IGDCC3: variants seen among roughly 807,000 people sequenced by gnomAD.
The protein encoded by IGDCC3 is immunoglobulin superfamily DCC subclass member 3, also known as putative neuronal cell adhesion molecule.
A neutral mutation model predicts 72.0 loss-of-function variants in IGDCC3; 47 were observed. That is an observed-to-expected ratio of 0.65 (90% CI 0.52 to 0.83). IGDCC3 has a LOEUF of 0.83. Among genes scored for constraint, IGDCC3 ranks in the 40% least tolerant of loss-of-function variants. The pLI, the probability that IGDCC3 is intolerant of heterozygous loss-of-function variation, is 0.00. For synonymous variants in IGDCC3, 477 were observed against 472.8 expected, an observed-to-expected ratio of 1.01 and a Z score of -0.11; for missense variants, 1,038 against 1,091.3, an observed-to-expected ratio of 0.95 and a Z score of 0.69.
intron 2 of IGDCC3, among the ~76,000 whole-genome samples, chr15:65,341,876 C>T (rs542019025): frequency 2.6e-5 from 4 of 152,222 alleles, no homozygotes; most frequent in East Asian, 3.9e-4. Flanking sequence ...CAGGTTCAAG[C>T]GATTCTCATG....
rs1409627540 is a variant in IGDCC3 at position 65,334,993 on chromosome 15, G to T, written c.686-128C>A. 3.6e-6 allele frequency: 4 copies of T among 1,104,770 alleles called. No individual in the cohort carries two copies. The African/African-American group carries it at 4.8e-5, about 13-fold the overall frequency. The allele number at this position is 1,104,770 out of a possible 1,614,324, so 68.4% of individuals were successfully genotyped here. On this transcript the variant is annotated intron_variant, in intron 4 of 13. Coordinates refer to ENST00000327987, the MANE Select transcript of IGDCC3 (RefSeq NM_004884.4). ...CCAGAAACCAGGTCCTGTGGGCAGA[G>T]AGATACCAGGAGACCAGGACGTTCC...
rs1039277249 is a variant in IGDCC3, at chr15:65,329,972, G to C, written c.1859-108C>G. On this transcript the variant is annotated intron_variant, in intron 11 of 13. Coordinates refer to ENST00000327987, the MANE Select transcript of IGDCC3 (RefSeq NM_004884.4). This position sits in a 1 kb window ranked among gnomAD's most constrained non-coding sequence, Gnocchi z 4.1. ...CTTCAGCTGCTCCCACTCCCAAGTG[G>C]GAGTGGGAACATCCTTTGACTTTGC... 2 of 1,223,100 alleles carry C rather than the reference G, an allele frequency of 1.6e-6. No individual in the cohort carries two copies. Among genetic ancestry groups the C allele is most frequent in the African/African-American group, 3.0e-5 (2 of 66,496 alleles). 75.8% of individuals were successfully genotyped at this position (1,223,100 alleles called of 1,614,324 possible).
intron 2 of IGDCC3, chr15:65,355,831 G>A (rs2091216154): frequency 9.2e-6 from 4 of 433,904 alleles, no homozygotes; most frequent in Non-Finnish European, 1.9e-5. Context: ...TGTCGCTGGG[G>A]CGAGCGAGGC....
At position 65,340,283 on chromosome 15, in the gene IGDCC3, G is replaced by C. The variant is rs114823987; in HGVS notation, c.410-4327C>G. 7.4e-3 allele frequency among the ~76,000 whole-genome samples: 1,130 copies of C among 152,248 alleles called. 6 individuals are homozygous for C. The highest frequency in any genetic ancestry group is 0.026 in the African/African-American group (1,071 of 41,546). On this transcript the variant is annotated intron_variant, in intron 2 of 13. Coordinates refer to ENST00000327987, the MANE Select transcript of IGDCC3 (RefSeq NM_004884.4). ...CTGGATCTGATTAGACAGGCTCCAGGGGGAGGTGGGGGGCAGCAAAGGGTC... is the reference window on the plus strand; with the variant it reads ...CTGGATCTGATTAGACAGGCTCCAGCGGGAGGTGGGGGGCAGCAAAGGGTC...
intron 2 of IGDCC3, chr15:65,373,372 C>G (rs764101097): frequency 6.6e-6 from 1 of 152,324 alleles, no homozygotes; most frequent in Non-Finnish European, 1.5e-5. Flanking sequence ...CCGGGAGGGC[C>G]GAGAGATGAG....
intron 2 of IGDCC3, among the ~76,000 whole-genome samples, chr15:65,341,521 G>A (rs1455891282): frequency 1.3e-5 from 2 of 152,186 alleles, no homozygotes; most frequent in African/African-American, 2.4e-5. Context: ...TCCATTGAGT[G>A]GAATATTATT....
At position 65,332,008 on chromosome 15, in the gene IGDCC3, CATG is replaced by C; in HGVS notation, c.1078_1080del (p.His360del). On this transcript the variant is annotated inframe_deletion, in exon 7 of 14. Transcript: ENST00000327987. ...ACCTGTCCATTTTTCAGCCACGTGA[CATG>C]AGGCGGTGGCTCACCCTGGGCTTGG... is the stretch of plus-strand genomic sequence containing the variant. 1 of 1,614,216 alleles carries C rather than the reference CATG, an allele frequency of 6.2e-7. No homozygotes were observed. Among genetic ancestry groups the C allele is most frequent in the Non-Finnish European group, 8.5e-7 (1 of 1,180,038 alleles).
Position 65,329,987 on chromosome 15 carries a change from T to A in IGDCC3, c.1859-123A>T. On this transcript the variant is annotated intron_variant, in intron 11 of 13. Transcript: ENST00000327987. The surrounding 1 kb of genome is among the most constrained non-coding windows in gnomAD (Gnocchi z 4.1). ...CTCCCAAGTGGGAGTGGGAACATCC[T>A]TTGACTTTGCCTACAGGACTCCAGA... 9.5e-7 allele frequency: 1 copy of A among 1,054,254 alleles called. No individual in the cohort carries two copies. The highest frequency in any genetic ancestry group is 1.4e-6 in the Non-Finnish European group (1 of 712,482). 65.3% of individuals were successfully genotyped at this position (1,054,254 alleles called of 1,614,324 possible).
intron 2 of IGDCC3, among the ~76,000 whole-genome samples, chr15:65,374,874 G>A (rs2091348686): frequency 6.6e-6 from 1 of 152,186 alleles, no homozygotes; most frequent in Non-Finnish European, 1.5e-5. Flanking sequence ...ATGGGTGTTT[G>A]GCTACATTCT....
chr15:65,357,575 A>C (rs2091233006), intron 2 of IGDCC3, among the ~76,000 whole-genome samples: 1 of 152,252 alleles, frequency 6.6e-6, no homozygotes, highest in Non-Finnish European at 1.5e-5. Context: ...TTGAGGGACC[A>C]AACGAGCAGG....
Position 65,335,391 on chromosome 15 carries a change from C to T in IGDCC3, c.585G>A (p.Gln195=), listed in dbSNP as rs755073406. 6.2e-7 allele frequency: 1 copy of T among 1,613,522 alleles called. No individual in the cohort carries two copies. Among genetic ancestry groups the T allele is most frequent in the Non-Finnish European group, 8.5e-7 (1 of 1,179,674 alleles). ...CGTCCTCAGCTCGAAGTCCTGTGAT[C>T]TGCAGGACCCCCTTGGGCAGCAATG... The part of the protein sequence containing the change: ...RYTLLPKGVL[Q]ITGLRAEDGG... The change falls in exon 4 of 14, where the codon CAG becomes CAA. Residue 195 remains glutamine (Q), a synonymous_variant. Coordinates refer to ENST00000327987, the MANE Select transcript of IGDCC3 (RefSeq NM_004884.4).
intron 11 of IGDCC3, 128 bp downstream of exon 11, chr15:65,330,165 G>A (rs2090963340): frequency 1.3e-6 from 1 of 752,664 alleles, no homozygotes; most frequent in Non-Finnish European, 2.3e-6. Context: ...CACACAGCCA[G>A]CATGTGCATG....
intron 6 of IGDCC3, 80 bp from the exon 7 acceptor site, chr15:65,332,186 G>C (rs2090984481): frequency 6.8e-7 from 1 of 1,479,664 alleles, no homozygotes; most frequent in Non-Finnish European, 9.1e-7. Flanking sequence ...CAGGGGATGG[G>C]ACTGGAGATA....
Position 65,329,804 on chromosome 15 carries a change from C to A in IGDCC3, c.1919G>T (p.Gly640Val). ...CCCGATGTGGATGCCGATGACGATG[C>A]CTGTGGTGGACGTCTGGTTGGCGGC... Reference protein sequence around the residue: ...EEAANQTSTTGIVIGIHIGVT... With the variant: ...EEAANQTSTTVIVIGIHIGVT... Residue 640 changes from glycine to valine, a missense_variant, in exon 12 of 14, where the codon GGC becomes GTC. Gly to Val is a moderately radical substitution (Grantham distance 109). Coordinates refer to ENST00000327987, the MANE Select transcript of IGDCC3 (RefSeq NM_004884.4). This position sits in a 1 kb window ranked among gnomAD's most constrained non-coding sequence, Gnocchi z 4.1. 6.2e-7 allele frequency: 1 copy of A among 1,614,128 alleles called. No individual in the cohort carries two copies. The highest frequency in any genetic ancestry group is 8.5e-7 in the Non-Finnish European group (1 of 1,180,018).
Position 65,328,850 on chromosome 15 carries a change from G to T in IGDCC3, c.*59C>A. ...AATCCCACATGACAGTAGAAATCTT[G>T]CTTTTGACCTGAGAATGGGCCCCGC... On this transcript the variant is annotated 3_prime_UTR_variant, in exon 14 of 14. Coordinates refer to ENST00000327987, the MANE Select transcript of IGDCC3 (RefSeq NM_004884.4). 6.7e-7 allele frequency: 1 copy of T among 1,486,954 alleles called. No homozygotes were observed. The highest frequency in any genetic ancestry group is 8.9e-7 in the Non-Finnish European group (1 of 1,118,640). 92.1% of individuals were successfully genotyped at this position (1,486,954 alleles called of 1,614,324 possible).
intron 2 of IGDCC3, among the ~76,000 whole-genome samples, chr15:65,350,839 G>A (rs1390731385): frequency 1.3e-5 from 2 of 152,134 alleles, no homozygotes; most frequent in African/African-American, 2.4e-5. Flanking sequence ...TCAAAATCTC[G>A]AATTTACCAA....
rs1270281788 is a variant in IGDCC3, at chr15:65,339,831, A to G, written c.410-3875T>C. 1.3e-5 allele frequency among the ~76,000 whole-genome samples: 2 copies of G among 152,120 alleles called. No homozygotes were observed. The highest frequency in any genetic ancestry group is 1.9e-4 in the East Asian group (1 of 5,180). On this transcript the variant is annotated intron_variant, in intron 2 of 13. Coordinates refer to ENST00000327987, the MANE Select transcript of IGDCC3 (RefSeq NM_004884.4). The surrounding 1 kb of genome is among the most constrained non-coding windows in gnomAD (Gnocchi z 4.1). ...CTCTTGATGCTTTACACTCCTGCGG[A>G]TATCTGTTGGTCTGGTAGGGACAGT... is the stretch of plus-strand genomic sequence containing the variant.
In IGDCC3 at chr15:65,335,601, G is replaced by A. The variant is rs749907093; in HGVS notation, c.555-180C>T. Among the ~76,000 whole-genome samples the A allele has an allele frequency of 2.6e-5, 4 of 151,984 alleles. No homozygotes were observed. The South Asian group carries it at 6.2e-4, about 24-fold the overall frequency. ...CTCAATTCCAGCCTTGACAACGATC[G>A]CACACATCCTCAGACACATCCATGA... On this transcript the variant is annotated intron_variant, in intron 3 of 13. Coordinates refer to ENST00000327987, the MANE Select transcript of IGDCC3 (RefSeq NM_004884.4).
intron 2 of IGDCC3, among the ~76,000 whole-genome samples, chr15:65,344,877 G>C (rs1257397946): frequency 1.3e-5 from 2 of 149,900 alleles, no homozygotes; most frequent in South Asian, 2.1e-4. Flanking sequence ...CACAGGGACT[G>C]GGGGGTGCCC....
Sources: allele counts gnomAD v4.1 joint callset (sites outside exome capture counted in the v4.1 genomes callset), GRCh38; gene constraint gnomAD v4.1.1; non-coding constraint Gnocchi (gnomAD v3.1); transcripts MANE v1.5; gene names NCBI Gene and HGNC (gene_info 2026-07-23, HGNC 2026-07-21).